Variants in SLC1A3 observed in about 807,000 individuals in gnomAD.
The protein encoded by SLC1A3 is solute carrier family 1 member 3.
Under a neutral mutation model 48.1 loss-of-function variants are expected in SLC1A3, and 21 were observed. That is an observed-to-expected ratio of 0.44 (90% confidence interval 0.31 to 0.63). SLC1A3 has a LOEUF of 0.63. Among genes scored for constraint, SLC1A3 ranks in the 20% least tolerant of loss-of-function variants. SLC1A3 has a pLI of 0.08. For missense variants in SLC1A3, 546 were observed against 689.0 expected, an observed-to-expected ratio of 0.79 and a Z score of 2.32; for synonymous variants, 239 against 251.4, an observed-to-expected ratio of 0.95 and a Z score of 0.47.
rs550809305 is a variant in SLC1A3, at chr5:36,646,596, C to T, written c.319+17009C>T. Among the ~76,000 whole-genome samples, 31 of 152,274 alleles carry T rather than the reference C, an allele frequency of 2.0e-4. 1 individual carries two copies. The South Asian group carries it at 3.1e-3, about 15-fold the overall frequency. ...GCAAGCTCCATGAAGGCAGACAGTG[C>T]GTCTCCATTTTGATGAAGGCTTGCA... On this transcript the variant is annotated intron_variant, in intron 3 of 9. Coordinates refer to ENST00000265113, the MANE Select transcript of SLC1A3 (RefSeq NM_004172.5).
chr5:36,637,415 C>G (rs1740439566), intron 3 of SLC1A3, among the ~76,000 whole-genome samples: 1 of 152,146 alleles, frequency 6.6e-6, no homozygotes, highest in Non-Finnish European at 1.5e-5. Context: ...TTCCAGAAGG[C>G]TTGAGCCTGT....
intron 2 of SLC1A3, among the ~76,000 whole-genome samples, chr5:36,614,453 C>T (rs1043551759): frequency 7.9e-5 from 12 of 152,054 alleles, no homozygotes; most frequent in Non-Finnish European, 1.2e-4. Context: ...ATAGTTGTAA[C>T]GGGCTTTTAG....
At chr5:36,623,538 G>C (rs1739771332) in intron 2 of SLC1A3, among the ~76,000 whole-genome samples, 1 of 151,976 alleles carries the variant, frequency 6.6e-6, no homozygotes, top group South Asian at 2.1e-4. Flanking sequence ...GTTTTGCAAA[G>C]GGTGAGCTGC....
intron 3 of SLC1A3, among the ~76,000 whole-genome samples, chr5:36,661,186 C>T (rs368862880): frequency 1.3e-5 from 2 of 152,184 alleles, no homozygotes; most frequent in Admixed American, 6.5e-5. Flanking sequence ...TCCAGGCGGG[C>T]GGATCACCTG....
chr5:36,646,085 T>A (rs1740829688), intron 3 of SLC1A3, among the ~76,000 whole-genome samples: 1 of 152,258 alleles, frequency 6.6e-6, no homozygotes, highest in Admixed American at 6.5e-5. Flanking sequence ...GAGTAAGCTA[T>A]GGGTAACCCA....
At chr5:36,651,007 CAG>C (rs1400181185) in intron 3 of SLC1A3, among the ~76,000 whole-genome samples, 3 of 152,008 alleles carry the variant, frequency 2.0e-5, no homozygotes, top group South Asian at 2.1e-4. Flanking sequence ...CCAAGATTTG[CAG>C]AGTTACTTCA....
At position 36,664,211 on chromosome 5, in the gene SLC1A3, G is replaced by A. The variant is rs1741638930; in HGVS notation, c.320-6818G>A. Among the ~76,000 whole-genome samples, 5 of 152,286 alleles carry A rather than the reference G, an allele frequency of 3.3e-5. No individual in the cohort carries two copies. The South Asian group carries it at 1.0e-3, about 32-fold the overall frequency. ...TGCAATGGCATGATCTCAGCTCACTGCAACCTCTGCCTCCCAGGTTCGAGG... is the reference window on the plus strand; with the variant it reads ...TGCAATGGCATGATCTCAGCTCACTACAACCTCTGCCTCCCAGGTTCGAGG... On this transcript the variant is annotated intron_variant, in intron 3 of 9. Transcript: ENST00000265113.
At chr5:36,617,172 A>G (rs1482973596) in intron 2 of SLC1A3, among the ~76,000 whole-genome samples, 1 of 151,876 alleles carries the variant, frequency 6.6e-6, no homozygotes, top group Non-Finnish European at 1.5e-5. Context: ...CTTGTCTCCA[A>G]AAAAAAAGAA....
chr5:36,644,449 T>C (rs1200107178), intron 3 of SLC1A3, among the ~76,000 whole-genome samples: 2 of 152,250 alleles, frequency 1.3e-5, no homozygotes, highest in Non-Finnish European at 2.9e-5. Context: ...AATATGAGTT[T>C]ATTTCTTTAG....
intron 2 of SLC1A3, among the ~76,000 whole-genome samples, chr5:36,627,156 T>C (rs1739936745): frequency 6.6e-6 from 1 of 151,712 alleles, no homozygotes; most frequent in South Asian, 2.1e-4. Context: ...ACCCAACATA[T>C]ACACACACAC....
chr5:36,671,380 A>T (rs899081372), intron 4 of SLC1A3, 147 bp downstream of exon 4: 1 of 707,742 alleles, frequency 1.4e-6, no homozygotes, highest in Non-Finnish European at 2.6e-6. Flanking sequence ...CCTCTTTCTT[A>T]TAGAAATTGA....
rs536549905 is a variant in SLC1A3 at position 36,644,046 on chromosome 5, T to C, written c.319+14459T>C. 5.0e-3 allele frequency among the ~76,000 whole-genome samples: 755 copies of C among 150,976 alleles called. 7 individuals carry two copies. The highest frequency in any genetic ancestry group is 0.017 in the African/African-American group (710 of 40,806). On this transcript the variant is annotated intron_variant, in intron 3 of 9. Coordinates refer to ENST00000265113, the MANE Select transcript of SLC1A3 (RefSeq NM_004172.5). ...ATAAATAAATAAATAAATAAATAAA[T>C]AAATAAATAAATTGCAATGTGAATA...
chr5:36,618,607 C>T (rs1305893501), intron 2 of SLC1A3, among the ~76,000 whole-genome samples: 9 of 152,180 alleles, frequency 5.9e-5, no homozygotes, highest in Non-Finnish European at 1.0e-4. Flanking sequence ...CTTTACTCTT[C>T]ATACTGCACA....
intron 2 of SLC1A3, among the ~76,000 whole-genome samples, chr5:36,625,595 G>C (rs921815691): frequency 1.3e-5 from 2 of 152,102 alleles, no homozygotes; most frequent in African/African-American, 4.8e-5. Context: ...TCTTTTTCAA[G>C]AGTAGAAATA....
At position 36,647,858 on chromosome 5, in the gene SLC1A3, T is replaced by C. The variant is rs527405911; in HGVS notation, c.319+18271T>C. 1.6e-4 allele frequency among the ~76,000 whole-genome samples: 25 copies of C among 152,348 alleles called. No individual in the cohort carries two copies. In the South Asian group the frequency reaches 5.2e-3, roughly 32 times the overall value. ...TATTAGGCTTTAAAAGACAGCAGTT[T>C]CTTTTATCACAATTTGCCACACTAA... On this transcript the variant is annotated intron_variant, in intron 3 of 9. Transcript: ENST00000265113.
At chr5:36,645,250 C>T (rs572802893) in intron 3 of SLC1A3, among the ~76,000 whole-genome samples, 42 of 150,464 alleles carry the variant, frequency 2.8e-4, no homozygotes, top group Non-Finnish European at 5.6e-4. Context: ...TTTTGGGGAT[C>T]CTCCCCTTTT....
chr5:36,610,447 T>A (rs964528269), intron 2 of SLC1A3, among the ~76,000 whole-genome samples: 2 of 152,206 alleles, frequency 1.3e-5, no homozygotes, highest in African/African-American at 4.8e-5. Context: ...AGCTCAGTAA[T>A]ACTGGAGTAT....
intron 3 of SLC1A3, among the ~76,000 whole-genome samples, chr5:36,654,083 C>T (rs1162166432): frequency 6.6e-6 from 1 of 152,188 alleles, no homozygotes; most frequent in Non-Finnish European, 1.5e-5. Flanking sequence ...ACCTCGTGAT[C>T]CACCCTCCTC....
chr5:36,683,812 T>C, intron 8 of SLC1A3, 52 bp from the exon 9 acceptor site: 1 of 1,610,706 alleles, frequency 6.2e-7, no homozygotes, highest in Non-Finnish European at 8.5e-7. Context: ...GTATATGCTC[T>C]ACGTGGGGAG....
Sources: gnomAD v4.1 joint callset for allele counts (sites outside exome capture counted in the v4.1 genomes callset) on GRCh38, gnomAD v4.1.1 for gene constraint, MANE v1.5 for transcripts, NCBI Gene and HGNC (gene_info 2026-07-23, HGNC 2026-07-21) for gene names.